The following IRAG1 variants were observed in gnomAD, a reference collection of about 807,000 sequenced individuals.
IRAG1 encodes IP3R-associated cGMP kinase substrate.
IRAG1 carries 62 observed loss-of-function variants against 106.2 expected under a neutral mutation model. The ratio of observed to expected loss-of-function variants is 0.58; its 90% CI spans 0.48 to 0.72. The LOEUF (loss-of-function observed/expected upper bound fraction) is 0.72, where lower values mean the gene tolerates loss of function less well. IRAG1 is among the 30% of genes least tolerant of loss of function. IRAG1 has a pLI of 0.00. For missense variants in IRAG1, 1,064 were observed against 1,140.7 expected, an observed-to-expected ratio of 0.93 and a Z score of 0.97; for synonymous variants, 462 against 443.9, an observed-to-expected ratio of 1.04 and a Z score of -0.51.
At chr11:10,642,681 T>A (rs1048034472) in intron 2 of IRAG1, among the ~76,000 whole-genome samples, 1 of 152,258 alleles carries the variant, frequency 6.6e-6, no homozygotes, top group Non-Finnish European at 1.5e-5. Context: ...TAATCACTAT[T>A]CTCTAGGCTT....
intron 1 of IRAG1, among the ~76,000 whole-genome samples, chr11:10,691,510 C>T (rs1862056003): frequency 6.6e-6 from 1 of 152,340 alleles, no homozygotes; most frequent in South Asian, 2.1e-4. Context: ...ATCCCCAAAC[C>T]ATGAGCCTCC....
intron 12 of IRAG1, among the ~76,000 whole-genome samples, chr11:10,606,173 C>G (rs1854458620): frequency 6.6e-6 from 1 of 152,200 alleles, no homozygotes; most frequent in Non-Finnish European, 1.5e-5. Flanking sequence ...ATTGTCTCAC[C>G]TCTGATAAGT....
Position 10,657,368 on chromosome 11 carries a change from G to A in IRAG1, c.68-5186C>T, listed in dbSNP as rs1258337855. On this transcript the variant is annotated intron_variant, in intron 1 of 20. Transcript: ENST00000423302. This position sits in a 1 kb window ranked among gnomAD's most constrained non-coding sequence, Gnocchi z 4.1. ...GCAGGGCCAAGCCTGTTCTCGGCAG[G>A]CAGCAGCAGCCTCTCATCATGGCGC... Among the ~76,000 whole-genome samples the A allele has an allele frequency of 1.3e-5, 2 of 152,184 alleles. No individual in the cohort carries two copies. The highest frequency in any genetic ancestry group is 4.8e-5 in the African/African-American group (2 of 41,438).
At chr11:10,625,689 C>G (rs1028506062) in intron 9 of IRAG1, among the ~76,000 whole-genome samples, 1 of 152,066 alleles carries the variant, frequency 6.6e-6, no homozygotes, top group African/African-American at 2.4e-5. Context: ...TCCCTCCACA[C>G]GTCTGCCTTC....
intron 1 of IRAG1, among the ~76,000 whole-genome samples, chr11:10,662,882 C>G (rs1470739047): frequency 6.6e-6 from 1 of 152,206 alleles, no homozygotes; most frequent in Admixed American, 6.5e-5. Flanking sequence ...GGAAATGTAC[C>G]TTATTTCAGG....
At chr11:10,645,621 C>T (rs1564925975) in intron 2 of IRAG1, among the ~76,000 whole-genome samples, 1 of 152,238 alleles carries the variant, frequency 6.6e-6, no homozygotes, top group African/African-American at 2.4e-5. Context: ...TGTCATTGCA[C>T]TTGCAGTGAC....
chr11:10,629,508 G>T lies in IRAG1; in HGVS notation c.574+30C>A. 3 of 1,602,262 alleles carry T rather than the reference G, an allele frequency of 1.9e-6. No individual in the cohort carries two copies. In the Middle Eastern group the frequency reaches 5.9e-4, roughly 316 times the overall value. ...CCCTCCCGACCCTAGAGGGGCTCAGGGCAGCCACCTGTACATCCTGCCACC... is the reference window on the plus strand; with the variant it reads ...CCCTCCCGACCCTAGAGGGGCTCAGTGCAGCCACCTGTACATCCTGCCACC... On this transcript the variant is annotated intron_variant, in intron 5 of 20. Transcript: ENST00000423302.
chr11:10,593,942 G>A (rs1852967615), intron 16 of IRAG1: 1 of 596,638 alleles, frequency 1.7e-6, no homozygotes. Context: ...GTTCATTTAA[G>A]GGATGTATAC....
intron 1 of IRAG1, among the ~76,000 whole-genome samples, chr11:10,669,311 G>A (rs560567126): frequency 2.0e-5 from 3 of 152,250 alleles, no homozygotes; most frequent in South Asian, 2.1e-4. Context: ...CCAGTCACCC[G>A]CCTCTCTGGG....
intron 9 of IRAG1, among the ~76,000 whole-genome samples, chr11:10,625,180 C>G (rs1856145722): frequency 6.6e-6 from 1 of 152,202 alleles, no homozygotes; most frequent in Non-Finnish European, 1.5e-5. Flanking sequence ...TTCTTTTCTT[C>G]CCTGCCCCAC....
chr11:10,646,354 C>T (rs1857942926), intron 2 of IRAG1, among the ~76,000 whole-genome samples: 1 of 152,170 alleles, frequency 6.6e-6, no homozygotes, highest in African/African-American at 2.4e-5. Context: ...CTACTATCCT[C>T]CCTTCCTTCC....
chr11:10,579,945 C>A (rs1020859884), intron 20 of IRAG1, among the ~76,000 whole-genome samples: 2 of 152,210 alleles, frequency 1.3e-5, no homozygotes, highest in Non-Finnish European at 2.9e-5. Context: ...CTTGATTGGT[C>A]AGCATGGTAG....
intron 10 of IRAG1, among the ~76,000 whole-genome samples, chr11:10,616,550 AACT>A (rs1380707261): frequency 6.6e-6 from 1 of 151,972 alleles, no homozygotes; most frequent in Non-Finnish European, 1.5e-5. Flanking sequence ...AAAAACAAAA[AACT>A]ACCTCAGTAA....
At chr11:10,663,335 T>C (rs1859540907) in intron 1 of IRAG1, among the ~76,000 whole-genome samples, 1 of 152,166 alleles carries the variant, frequency 6.6e-6, no homozygotes, top group East Asian at 1.9e-4. Flanking sequence ...CTAGTTTTCT[T>C]CTAGGAAGAG....
chr11:10,629,341 G>A (rs1361207508), intron 5 of IRAG1, among the ~76,000 whole-genome samples, 197 bp downstream of exon 5: 1 of 152,136 alleles, frequency 6.6e-6, no homozygotes, highest in African/African-American at 2.4e-5. Context: ...TTCCCCAGAG[G>A]GCCTAGGATC....
At chr11:10,679,419 C>G (rs1264247613) in intron 1 of IRAG1, among the ~76,000 whole-genome samples, 1 of 152,168 alleles carries the variant, frequency 6.6e-6, no homozygotes, top group South Asian at 2.1e-4. Flanking sequence ...GGCATATTTA[C>G]TCACTCAATC....
In IRAG1 at chr11:10,680,534, A is replaced by AGAAAGGAAGAAAGGAAGGAAGG. The variant is rs1564942945; in HGVS notation, c.67+13001_67+13002insCCTTCCTTCCTTTCTTCCTTTC. On this transcript the variant is annotated intron_variant, in intron 1 of 20. Transcript: ENST00000423302. Reference sequence around the variant, plus strand: ...GAAAAAGAAAGGAAGAAAGGAAGGAAGGAAGGGGAAGGGGAAGGGGAAGGG... The same window carrying AGAAAGGAAGAAAGGAAGGAAGG: ...GAAAAAGAAAGGAAGAAAGGAAGGAAGAAAGGAAGAAAGGAAGGAAGGGGAAGGGGAAGGGGAAGGGGAAGGG... Among the ~76,000 whole-genome samples the AGAAAGGAAGAAAGGAAGGAAGG allele has an allele frequency of 5.6e-3, 786 of 141,320 alleles. 5 individuals are homozygous for AGAAAGGAAGAAAGGAAGGAAGG. Among genetic ancestry groups the AGAAAGGAAGAAAGGAAGGAAGG allele is most frequent in the African/African-American group, 0.02 (755 of 36,840 alleles). The allele number at this position is 141,320 out of a possible 152,430, so 92.7% of individuals were successfully genotyped here.
intron 9 of IRAG1, among the ~76,000 whole-genome samples, chr11:10,624,842 G>T (rs1856113567): frequency 6.6e-6 from 1 of 152,184 alleles, no homozygotes; most frequent in Admixed American, 6.5e-5. Context: ...ATCTGCAGGA[G>T]TGTAGGGAGT....
intron 2 of IRAG1, among the ~76,000 whole-genome samples, chr11:10,634,753 T>TTTCTGTGTGTG (rs1554927053): frequency 2.8e-5 from 4 of 144,936 alleles, no homozygotes; most frequent in Non-Finnish European, 4.5e-5. Flanking sequence ...AATAATATTC[T>TTTCTGTGTGTG]TGTGTGTGTG....
Sources: allele counts gnomAD v4.1 joint callset (sites outside exome capture counted in the v4.1 genomes callset), GRCh38; gene constraint gnomAD v4.1.1; non-coding constraint Gnocchi (gnomAD v3.1); transcripts MANE v1.5; gene names NCBI Gene and HGNC (gene_info 2026-07-23, HGNC 2026-07-21).